SUSD4: variants seen among roughly 807,000 people sequenced by gnomAD.
The protein encoded by SUSD4 is sushi domain-containing protein 4.
Under a neutral mutation model 50.5 loss-of-function variants are expected in SUSD4, and 41 were observed. That is an observed-to-expected ratio of 0.81 (90% confidence interval 0.63 to 1.05). The LOEUF (loss-of-function observed/expected upper bound fraction) is 1.05. SUSD4 is among the 50% of genes least tolerant of loss of function. The pLI is 0.00. For synonymous variants in SUSD4, 257 were observed against 257.3 expected (o/e 1.00, Z 0.01); for missense variants, 580 against 634.7 (o/e 0.91, Z 0.93).
At position 223,227,521 on chromosome 1, in the gene SUSD4, T is replaced by G. The variant is rs1341589664; in HGVS notation, c.1061+73A>C. The G allele has an allele frequency of 6.4e-7, 1 of 1,558,792 alleles. No homozygotes were observed. Among genetic ancestry groups the G allele is most frequent in the African/African-American group, 1.4e-5 (1 of 74,014 alleles). The stretch of plus-strand genomic sequence containing the variant: ...GAGCTTCAACTTTTCACTCATCACT[T>G]TCTCCCTCTGCTGCTAAGGGTAGCT... On this transcript the variant is annotated intron_variant, in intron 7 of 8. Transcript: ENST00000366878. This position sits in a 1 kb window ranked among gnomAD's most constrained non-coding sequence, Gnocchi z 4.5.
intron 3 of SUSD4, among the ~76,000 whole-genome samples, chr1:223,273,961 G>A (rs1470696089): frequency 1.3e-5 from 2 of 152,174 alleles, no homozygotes; most frequent in Non-Finnish European, 2.9e-5. Flanking sequence ...CTGTGAGTCT[G>A]AGTTCCTGAG....
At position 223,221,934 on chromosome 1, in the gene SUSD4, C is replaced by T. The variant is rs182669852; in HGVS notation, c.*258G>A. 2.2e-5 allele frequency: 10 copies of T among 453,606 alleles called. No individual in the cohort carries two copies. The East Asian group carries it at 3.5e-4, about 16-fold the overall frequency. The allele number at this position is 453,606 out of a possible 1,614,324, so 28.1% of individuals were successfully genotyped here. A position where few individuals can be genotyped will look rare whatever the true frequency, so the allele number is the denominator to read the frequency against. On this transcript the variant is annotated 3_prime_UTR_variant, in exon 9 of 9. Transcript: ENST00000366878. ...AGCACGATACACATTTAACACCCCT[C>T]ATCCAAGACCACGCGAGGGCTTCCC...
intron 5 of SUSD4, among the ~76,000 whole-genome samples, chr1:223,254,062 A>G (rs773810934): frequency 6.6e-6 from 1 of 152,216 alleles, no homozygotes; most frequent in African/African-American, 2.4e-5. Context: ...AGAAAGGGAC[A>G]TGTTCTCCAC....
chr1:223,342,514 G>T (rs1004779444), intron 2 of SUSD4, among the ~76,000 whole-genome samples: 2 of 152,132 alleles, frequency 1.3e-5, no homozygotes, highest in Admixed American at 1.3e-4. Context: ...ATTTTAAAAG[G>T]TACAAGTAGT....
intron 8 of SUSD4, among the ~76,000 whole-genome samples, chr1:223,222,517 G>T (rs1360593047): frequency 6.6e-6 from 1 of 152,168 alleles, no homozygotes; most frequent in Non-Finnish European, 1.5e-5. Context: ...GCAAATTCAA[G>T]TACAGAAAGG....
At chr1:223,222,902 A>T (rs1309542146) in intron 8 of SUSD4, among the ~76,000 whole-genome samples, 3 of 152,212 alleles carry the variant, frequency 2.0e-5, no homozygotes, top group African/African-American at 7.2e-5. Flanking sequence ...CTATCTAATT[A>T]AGGAATAAAG....
chr1:223,237,428 G>A (rs1212781561), intron 5 of SUSD4, among the ~76,000 whole-genome samples: 2 of 152,006 alleles, frequency 1.3e-5, no homozygotes, highest in Non-Finnish European at 2.9e-5. Context: ...CCTTGTCCCT[G>A]ATCTTACGGG....
rs1324409864 is a variant in SUSD4, at chr1:223,231,841, C to T, written c.725-2453G>A. On this transcript the variant is annotated intron_variant, in intron 5 of 8. Transcript: ENST00000366878. The surrounding 1 kb of genome is among the most constrained non-coding windows in gnomAD (Gnocchi z 4.2). ...CCCTTCCCTGCACTGCTGGAGCATT[C>T]CCCAGCGCTGTTGTACGCTCAGGAG... 6.6e-6 allele frequency among the ~76,000 whole-genome samples: 1 copy of T among 152,212 alleles called. No individual in the cohort carries two copies. Among genetic ancestry groups the T allele is most frequent in the Non-Finnish European group, 1.5e-5 (1 of 68,034 alleles).
chr1:223,360,811 A>G (rs911428954), intron 2 of SUSD4, among the ~76,000 whole-genome samples: 1 of 152,150 alleles, frequency 6.6e-6, no homozygotes, highest in Non-Finnish European at 1.5e-5. Context: ...TTGTGGATGA[A>G]AAAAAAGCAC....
intron 3 of SUSD4, among the ~76,000 whole-genome samples, chr1:223,286,351 G>A (rs1002055008): frequency 3.3e-5 from 5 of 152,212 alleles, no homozygotes; most frequent in Non-Finnish European, 4.4e-5. Context: ...TCCTGACCTC[G>A]TGATCCACCT....
chr1:223,351,520 T>C (rs1390400660), intron 2 of SUSD4, among the ~76,000 whole-genome samples: 4 of 152,114 alleles, frequency 2.6e-5, no homozygotes, highest in African/African-American at 9.7e-5. Flanking sequence ...AGAGATTTCC[T>C]GGAGCTGGGG....
chr1:223,274,069 C>A (rs75843752), intron 3 of SUSD4, among the ~76,000 whole-genome samples: 19 of 152,132 alleles, frequency 1.2e-4, no homozygotes, highest in African/African-American at 4.6e-4. Context: ...GAACTTAGTA[C>A]CACAGAATGC....
intron 5 of SUSD4, chr1:223,264,407 A>G (rs529533760): frequency 1.4e-5 from 17 of 1,258,298 alleles, no homozygotes; most frequent in Non-Finnish European, 1.6e-5. Flanking sequence ...TTTTTCTTTT[A>G]TCTGCTCTCC....
chr1:223,323,086 T>G (rs970958712), intron 2 of SUSD4, among the ~76,000 whole-genome samples: 1 of 152,034 alleles, frequency 6.6e-6, no homozygotes, highest in Non-Finnish European at 1.5e-5. Flanking sequence ...AAGGAGGTGC[T>G]GAAGAGCAGT....
chr1:223,257,380 G>A (rs1237727744), intron 5 of SUSD4, among the ~76,000 whole-genome samples: 3 of 152,122 alleles, frequency 2.0e-5, no homozygotes, highest in Non-Finnish European at 4.4e-5. Flanking sequence ...AAAAACATAG[G>A]CAAGGAAGGG....
Position 223,264,731 on chromosome 1 carries a change from T to C in SUSD4, c.623A>G (p.Tyr208Cys), listed in dbSNP as rs776806282. 3.7e-6 allele frequency: 6 copies of C among 1,614,146 alleles called. No homozygotes were observed. Among genetic ancestry groups the C allele is most frequent in the African/African-American group, 2.7e-5 (2 of 75,044 alleles). Residue 208 changes from tyrosine (Y) to cysteine (C), a missense_variant, in exon 5 of 9, where the codon TAT becomes TGT. Coordinates refer to ENST00000366878, the MANE Select transcript of SUSD4 (RefSeq NM_017982.4). Reference sequence around the variant, plus strand: ...AAGTTTAAATCCGGGAAAGCAGCGATAGGAGATCACAGTCCCCACCGGGAA... The same window carrying C: ...AAGTTTAAATCCGGGAAAGCAGCGACAGGAGATCACAGTCCCCACCGGGAA... ...TSFPVGTVIS[Y>C]RCFPGFKLDG...
At chr1:223,242,588 C>T (rs1406557719) in intron 5 of SUSD4, among the ~76,000 whole-genome samples, 1 of 152,216 alleles carries the variant, frequency 6.6e-6, no homozygotes, top group African/African-American at 2.4e-5. Flanking sequence ...TGGCAGGATG[C>T]CTGATAGTGA....
At chr1:223,280,839 A>C (rs960537653) in intron 3 of SUSD4, among the ~76,000 whole-genome samples, 9 of 152,228 alleles carry the variant, frequency 5.9e-5, no homozygotes, top group Non-Finnish European at 1.3e-4. Context: ...AGTTGGAAGT[A>C]AAGCACTCCT....
Position 223,362,052 on chromosome 1 carries a change from A to T in SUSD4, c.148+1226T>A, listed in dbSNP as rs915124311. On this transcript the variant is annotated intron_variant, in intron 2 of 8. Transcript: ENST00000366878. ...AGTTATTCCTTCTTAAAAAAAAAAT[A>T]CAAAAATAAAAATAAAAACCAATGT... is the stretch of plus-strand genomic sequence containing the variant. 3.9e-5 allele frequency among the ~76,000 whole-genome samples: 6 copies of T among 152,098 alleles called. No homozygotes were observed. The East Asian group carries it at 1.2e-3, about 29-fold the overall frequency.
Sources: allele counts gnomAD v4.1 joint callset (sites outside exome capture counted in the v4.1 genomes callset), GRCh38; gene constraint gnomAD v4.1.1; non-coding constraint Gnocchi (gnomAD v3.1); transcripts MANE v1.5; gene names NCBI Gene and HGNC (gene_info 2026-07-23, HGNC 2026-07-21).